The following OGDH variants were observed in gnomAD, a reference collection of about 807,000 sequenced individuals.
The protein encoded by OGDH is oxoglutarate dehydrogenase.
In OGDH, 38 loss-of-function variants were observed where a neutral mutation model predicts 116.6. The observed-to-expected ratio is 0.33, with a 90% CI of 0.25 to 0.43. The LOEUF is 0.43. Ranked by LOEUF, OGDH falls within the 20% of genes least tolerant of loss-of-function variation. The probability of loss-of-function intolerance (pLI) is 1.00; values close to 1 mark genes in which losing one functional copy is unlikely to be tolerated. For missense variants in OGDH, 825 were observed against 1,357.2 expected (o/e 0.61, Z 6.16); for synonymous variants, 488 against 533.3 (o/e 0.92, Z 1.17).
chr7:44,640,861 G>A (rs562769890), intron 2 of OGDH, among the ~76,000 whole-genome samples: 9 of 151,622 alleles, frequency 5.9e-5, no homozygotes, highest in Non-Finnish European at 1.0e-4. Flanking sequence ...AGCAAGTTTG[G>A]GGTAAAGAAA....
intron 2 of OGDH, among the ~76,000 whole-genome samples, chr7:44,632,270 T>C (rs1785474041): frequency 6.6e-6 from 1 of 151,846 alleles, no homozygotes; most frequent in African/African-American, 2.4e-5. Context: ...GGAGAGAGGC[T>C]TACTCTAAAT....
Position 44,707,535 on chromosome 7 carries a change from T to C in OGDH, c.2797-47T>C. 6.2e-7 allele frequency: 1 copy of C among 1,608,700 alleles called. No homozygotes were observed. Among genetic ancestry groups the C allele is most frequent in the Non-Finnish European group, 8.5e-7 (1 of 1,177,540 alleles). On this transcript the variant is annotated intron_variant, in intron 21 of 22. Transcript: ENST00000222673. This position sits in a 1 kb window ranked among gnomAD's most constrained non-coding sequence, Gnocchi z 5.2. ...CAGTTTCCCTTTGCTGGATCTTGCC[T>C]GCCCTCTGAGTTTCCTCTTTTTGAT...
rs1036936846 is a variant in OGDH at position 44,707,281 on chromosome 7, A to T, written c.2689A>T (p.Asn897Tyr). Reference sequence around the variant, plus strand: ...TGGCCCTGCAGCTCAGAACCCAGAAAATGTCAAAAGGCTTCTCTTCTGCAC... The same window carrying T: ...TGGCCCTGCAGCTCAGAACCCAGAATATGTCAAAAGGCTTCTCTTCTGCAC... ...EDGPAAQNPENVKRLLFCTGK... is the reference protein window; with the variant it reads ...EDGPAAQNPEYVKRLLFCTGK... The change falls in exon 21 of 23, where the codon AAT becomes TAT. Residue 897 changes from asparagine to tyrosine, a missense_variant. By Grantham distance (143) the Asn-to-Tyr change is moderately radical. Around this residue, in one of 7 missense-constraint regions of OGDH, gnomAD observed 212 missense variants for 284.3 expected, o/e 0.75. Coordinates refer to ENST00000222673, the MANE Select transcript of OGDH (RefSeq NM_002541.4). The surrounding 1 kb of genome is among the most constrained non-coding windows in gnomAD (Gnocchi z 5.2). 21 of 1,614,226 alleles carry T rather than the reference A, an allele frequency of 1.3e-5. No individual in the cohort carries two copies. The highest frequency in any genetic ancestry group is 1.5e-5 in the Non-Finnish European group (18 of 1,180,032).
chr7:44,613,117 C>A (rs1784630617), intron 1 of OGDH, among the ~76,000 whole-genome samples: 1 of 151,846 alleles, frequency 6.6e-6, no homozygotes, highest in Admixed American at 6.6e-5. Context: ...ACCTCGTGAT[C>A]CACTTGCCTC....
At chr7:44,607,557 T>A (rs892548689) in intron 1 of OGDH, among the ~76,000 whole-genome samples, 10 of 152,192 alleles carry the variant, frequency 6.6e-5, no homozygotes, top group African/African-American at 2.2e-4. Flanking sequence ...GATAAAGCCT[T>A]TTTTTGTAAG....
intron 10 of OGDH, among the ~76,000 whole-genome samples, chr7:44,689,692 G>A (rs1410583856): frequency 1.3e-5 from 2 of 151,886 alleles, no homozygotes; most frequent in Non-Finnish European, 2.9e-5. Context: ...TTGCTTATTG[G>A]CTATTTGTAT....
At chr7:44,669,811 T>C (rs1382590635) in intron 5 of OGDH, among the ~76,000 whole-genome samples, 2 of 152,146 alleles carry the variant, frequency 1.3e-5, no homozygotes, top group African/African-American at 2.4e-5. Context: ...CTTAGAAGAC[T>C]CCATTTTCAC....
chr7:44,608,547 A>C (rs1244564335), intron 1 of OGDH, among the ~76,000 whole-genome samples: 6 of 151,926 alleles, frequency 3.9e-5, no homozygotes, highest in Non-Finnish European at 7.4e-5. Context: ...AAAAATACAA[A>C]AGTTAGCAGG....
Position 44,700,231 on chromosome 7 carries a change from G to A in OGDH, c.2521G>A (p.Val841Met), listed in dbSNP as rs761576934. ...CTCCACTCCTGGCAACTTCTTCCAC[G>A]TGCTACGACGCCAGATCCTGCTGCC... ...NCSTPGNFFHVLRRQILLPFR... is the reference protein window; with the variant it reads ...NCSTPGNFFHMLRRQILLPFR... Residue 841 changes from valine (V) to methionine (M), a missense_variant, in exon 19 of 23, where the codon GTG becomes ATG. By Grantham distance (21) the Val-to-Met change is conservative. Around this residue, in one of 7 missense-constraint regions of OGDH, gnomAD observed 212 missense variants for 284.3 expected, o/e 0.75. Coordinates refer to ENST00000222673, the MANE Select transcript of OGDH (RefSeq NM_002541.4). The A allele has an allele frequency of 8.7e-6, 14 of 1,614,096 alleles. No individual in the cohort carries two copies. Among genetic ancestry groups the A allele is most frequent in the South Asian group, 4.4e-5 (4 of 91,086 alleles).
intron 2 of OGDH, among the ~76,000 whole-genome samples, chr7:44,627,543 G>A (rs964191008): frequency 7.2e-5 from 11 of 152,132 alleles, no homozygotes; most frequent in Admixed American, 2.6e-4. Context: ...TCCTGAGGTC[G>A]GATTCCGTAC....
rs1175522868 is a variant in OGDH, at chr7:44,641,225, CTTTTTTTT to C, written c.223-4092_223-4085del. On this transcript the variant is annotated intron_variant, in intron 2 of 22. Transcript: ENST00000222673. ...CTTTTTCTTCTTTTTTTTTTTTTTT[CTTTTTTTT>C]TTTTTTTTTGGAAACAGGGTGTCAC... Among the ~76,000 whole-genome samples, 19 of 81,664 alleles carry C rather than the reference CTTTTTTTT, an allele frequency of 2.3e-4. No homozygotes were observed. The South Asian group carries it at 5.8e-3, about 25-fold the overall frequency. The allele number at this position is 81,664 out of a possible 152,430, so 53.6% of individuals were successfully genotyped here.
intron 2 of OGDH, among the ~76,000 whole-genome samples, chr7:44,640,455 TTTTG>T (rs1389685036): frequency 6.6e-6 from 1 of 152,124 alleles, no homozygotes; most frequent in Non-Finnish European, 1.5e-5. Context: ...TTTTGTTTTG[TTTTG>T]TTTTACTATT....
chr7:44,673,698 C>T, intron 5 of OGDH, 89 bp from the exon 6 acceptor site: 2 of 1,306,508 alleles, frequency 1.5e-6, no homozygotes, highest in East Asian at 2.3e-5. Flanking sequence ...TGCTTATCCC[C>T]TCCTTCTGGC....
chr7:44,620,330 A>G (rs886975427), intron 1 of OGDH, among the ~76,000 whole-genome samples: 4 of 152,086 alleles, frequency 2.6e-5, no homozygotes, highest in African/African-American at 9.7e-5. Flanking sequence ...CAGATTTTTT[A>G]TTTTGATGAA....
chr7:44,671,010 CAAAAAA>C (rs111818473), intron 5 of OGDH, among the ~76,000 whole-genome samples: 5 of 68,612 alleles, frequency 7.3e-5, no homozygotes, highest in East Asian at 3.0e-4. Context: ...GACTCCATCT[CAAAAAA>C]AAAAAAAAAA....
chr7:44,663,666 C>T (rs1787049014), intron 4 of OGDH, among the ~76,000 whole-genome samples: 1 of 152,136 alleles, frequency 6.6e-6, no homozygotes, highest in African/African-American at 2.4e-5. Context: ...CTGCTCTACT[C>T]AGGAGGCTGA....
intron 1 of OGDH, among the ~76,000 whole-genome samples, chr7:44,612,219 A>T (rs1784592718): frequency 6.6e-6 from 1 of 151,434 alleles, no homozygotes; most frequent in East Asian, 1.9e-4. Context: ...TACTTGTGTG[A>T]CTCTGTTTCT....
At chr7:44,645,888 T>C (rs1050442437) in intron 3 of OGDH, among the ~76,000 whole-genome samples, 1 of 152,156 alleles carries the variant, frequency 6.6e-6, no homozygotes, top group Admixed American at 6.5e-5. Flanking sequence ...TTTGGGTGGT[T>C]GATGCCCCCT....
At chr7:44,664,626 T>G (rs1031737331) in intron 4 of OGDH, among the ~76,000 whole-genome samples, 2 of 152,350 alleles carry the variant, frequency 1.3e-5, no homozygotes, top group Middle Eastern at 6.8e-3. Context: ...GTGTTTTGCC[T>G]TGAGACCTCC....
Sources: allele counts gnomAD v4.1 joint callset (sites outside exome capture counted in the v4.1 genomes callset), GRCh38; gene constraint gnomAD v4.1.1; regional missense constraint gnomAD v4.1.1; non-coding constraint Gnocchi (gnomAD v3.1); transcripts MANE v1.5; gene names NCBI Gene and HGNC (gene_info 2026-07-23, HGNC 2026-07-21).